The following STAMBP variants were observed in gnomAD, a reference collection of about 807,000 sequenced individuals.
The protein encoded by STAMBP is STAM-binding protein.
Under a neutral mutation model 50.7 loss-of-function variants are expected in STAMBP, and 31 were observed. That is an observed-to-expected ratio of 0.61 (90% CI 0.46 to 0.83). The LOEUF (loss-of-function observed/expected upper bound fraction) is 0.83, where lower values mean the gene tolerates loss of function less well. Among genes scored for constraint, STAMBP ranks in the 40% least tolerant of loss-of-function variants. STAMBP has a pLI of 0.00. For missense variants in STAMBP, 472 were observed against 518.9 expected (o/e 0.91, Z 0.88); for synonymous variants, 211 against 192.4 (o/e 1.10, Z -0.80).
At chr2:73,842,337 T>C (rs1244356480) in intron 2 of STAMBP, among the ~76,000 whole-genome samples, 3 of 152,230 alleles carry the variant, frequency 2.0e-5, no homozygotes, top group Admixed American at 2.0e-4. Context: ...CCCAAAGGTC[T>C]GCACATTAGG....
At chr2:73,847,850 A>G in intron 5 of STAMBP, 97 bp downstream of exon 5, 1 of 1,460,788 alleles carries the variant, frequency 6.8e-7, no homozygotes, top group African/African-American at 1.4e-5. Context: ...GATCCCACTC[A>G]TTAAGCTTTG....
At chr2:73,854,920 T>C (rs1181515644) in intron 7 of STAMBP, among the ~76,000 whole-genome samples, 1 of 151,772 alleles carries the variant, frequency 6.6e-6, no homozygotes, top group African/African-American at 2.4e-5. Context: ...GACTGGGAGG[T>C]CAAAGCTGCA....
rs559024520 is a variant in STAMBP, at chr2:73,844,304, A to G, written c.204-509A>G. On this transcript the variant is annotated intron_variant, in intron 2 of 9. Coordinates refer to ENST00000394070, the MANE Select transcript of STAMBP (RefSeq NM_213622.4). ...ACTAAGTATTTCCATGCATTTTTGTATGATGCAAAGTAGTATTCTTCTTTG... is the reference window on the plus strand; with the variant it reads ...ACTAAGTATTTCCATGCATTTTTGTGTGATGCAAAGTAGTATTCTTCTTTG... Among the ~76,000 whole-genome samples the G allele has an allele frequency of 3.9e-5, 6 of 152,356 alleles. No individual in the cohort carries two copies. In the South Asian group the frequency reaches 1.2e-3, roughly 32 times the overall value.
At chr2:73,849,617 A>T in intron 6 of STAMBP, 130 bp downstream of exon 6, 2 of 1,214,992 alleles carry the variant, frequency 1.6e-6, no homozygotes, top group Non-Finnish European at 2.2e-6. Flanking sequence ...TGGACTGCAT[A>T]ATTTCATGTC....
At chr2:73,838,654 T>C (rs148532250) in intron 2 of STAMBP, among the ~76,000 whole-genome samples, 78 of 152,300 alleles carry the variant, frequency 5.1e-4, no homozygotes, top group African/African-American at 1.8e-3. Flanking sequence ...TAGTGTTATT[T>C]TGAGTGACAT....
rs1456284426 is a variant in STAMBP, at chr2:73,834,218, AAAAAAAAAAAAAAAAAAAATATATATAT to A, written c.203+3161_203+3188del. Among the ~76,000 whole-genome samples, 38 of 17,290 alleles carry A rather than the reference AAAAAAAAAAAAAAAAAAAATATATATAT, an allele frequency of 2.2e-3. 1 individual carries two copies. Among genetic ancestry groups the A allele is most frequent in the African/African-American group, 9.3e-3 (38 of 4,074 alleles). 11.3% of individuals were successfully genotyped at this position (17,290 alleles called of 152,430 possible). On this transcript the variant is annotated intron_variant, in intron 2 of 9. Coordinates refer to ENST00000394070, the MANE Select transcript of STAMBP (RefSeq NM_213622.4). Reference sequence around the variant, plus strand: ...GAGCAAGATCATGTCTTAAAAAAAAAAAAAAAAAAAAAAAAAAAATATATATATATATATATATATATATATATATATA... The same window carrying A: ...GAGCAAGATCATGTCTTAAAAAAAAAATATATATATATATATATATATATA...
rs1469483852 is a variant in STAMBP, at chr2:73,859,289, C to T, written c.1041C>T (p.Val347=). 9 of 1,613,074 alleles carry T rather than the reference C, an allele frequency of 5.6e-6. 1 individual carries two copies. The highest frequency in any genetic ancestry group is 4.4e-5 in the South Asian group (4 of 90,996). The change falls in exon 8 of 10, where the codon GTC becomes GTT. Residue 347 remains valine (V), a synonymous_variant. Coordinates refer to ENST00000394070, the MANE Select transcript of STAMBP (RefSeq NM_213622.4). Reference sequence around the variant, plus strand: ...CACAGACCGCGTTTCTCTCCAGTGTCGACCTACACACTCACTGCTCTTACC... The same window carrying T: ...CACAGACCGCGTTTCTCTCCAGTGTTGACCTACACACTCACTGCTCTTACC... ...HPTQTAFLSS[V]DLHTHCSYQM...
At chr2:73,838,169 A>G (rs1170109097) in intron 2 of STAMBP, among the ~76,000 whole-genome samples, 1 of 152,100 alleles carries the variant, frequency 6.6e-6, no homozygotes, top group Admixed American at 6.6e-5. Context: ...AAAGTGGCAA[A>G]TTTTTTTCTA....
chr2:73,835,171 TG>T (rs1466699263), intron 2 of STAMBP, among the ~76,000 whole-genome samples: 1 of 152,038 alleles, frequency 6.6e-6, no homozygotes, highest in Admixed American at 6.6e-5. Context: ...CTGGCCAACA[TG>T]GTGATACCCC....
rs912309328 is a variant in STAMBP, at chr2:73,867,051, T to A, written c.*4792T>A. 11 of 152,216 alleles carry A rather than the reference T, an allele frequency of 7.2e-5. No individual in the cohort carries two copies. The highest frequency in any genetic ancestry group is 2.7e-4 in the African/African-American group (11 of 41,436). The allele number at this position is 152,216 out of a possible 1,614,324, so 9.4% of individuals were successfully genotyped here. On this transcript the variant is annotated 3_prime_UTR_variant, in exon 10 of 10. Transcript: ENST00000394070. ...CCTGTTTGTTTATTGCTAGCTTATG[T>A]GTCTAAAGTATACTCCTTGAGAACA...
At chr2:73,829,984 T>C (rs985690437) in intron 1 of STAMBP, among the ~76,000 whole-genome samples, 1 of 152,220 alleles carries the variant, frequency 6.6e-6, no homozygotes, top group Non-Finnish European at 1.5e-5. Context: ...TTTGCTGTAA[T>C]GCAATGTGTG....
Position 73,850,634 on chromosome 2 carries a change from T to C in STAMBP, c.1005+121T>C. The C allele has an allele frequency of 8.7e-7, 1 of 1,147,036 alleles. No homozygotes were observed. Among genetic ancestry groups the C allele is most frequent in the Non-Finnish European group, 1.2e-6 (1 of 839,932 alleles). 71.1% of individuals were successfully genotyped at this position (1,147,036 alleles called of 1,614,324 possible). A position where few individuals can be genotyped will look rare whatever the true frequency, so the allele number is the denominator to read the frequency against. ...GATTATTTATTGTTTTTCTCTCTTTTGGATGCAGTCCTTAGCATACTTGAC... is the reference window on the plus strand; with the variant it reads ...GATTATTTATTGTTTTTCTCTCTTTCGGATGCAGTCCTTAGCATACTTGAC... On this transcript the variant is annotated intron_variant, in intron 7 of 9. Transcript: ENST00000394070. The surrounding 1 kb of genome is among the most constrained non-coding windows in gnomAD (Gnocchi z 4.3).
rs34843902 is a variant in STAMBP at position 73,862,936 on chromosome 2, TA to T, written c.*685del. The T allele has an allele frequency of 0.4, 61,566 of 152,188 alleles. 15,180 individuals carry two copies. The highest frequency in any genetic ancestry group is 0.7 in the African/African-American group (29,102 of 41,458). 9.4% of individuals were successfully genotyped at this position (152,188 alleles called of 1,614,324 possible). A position where few individuals can be genotyped will look rare whatever the true frequency, so the allele number is the denominator to read the frequency against. On this transcript the variant is annotated 3_prime_UTR_variant, in exon 10 of 10. Transcript: ENST00000394070. Reference sequence around the variant, plus strand: ...TTGATCAAGCATTGTATAAACAGGTTAAAAAAAAGGTATGGTTGTTTTGGAA... The same window carrying T: ...TTGATCAAGCATTGTATAAACAGGTTAAAAAAAGGTATGGTTGTTTTGGAA...
Position 73,834,237 on chromosome 2 carries a change from ATATATATATATATATATAT to A in STAMBP, c.203+3179_203+3197del, listed in dbSNP as rs1426511569. Among the ~76,000 whole-genome samples the A allele has an allele frequency of 6.2e-4, 7 of 11,214 alleles. 1 individual carries two copies. The highest frequency in any genetic ancestry group is 9.0e-3 in the South Asian group (2 of 222). The allele number at this position is 11,214 out of a possible 152,430, so 7.4% of individuals were successfully genotyped here. On this transcript the variant is annotated intron_variant, in intron 2 of 9. Coordinates refer to ENST00000394070, the MANE Select transcript of STAMBP (RefSeq NM_213622.4). The stretch of plus-strand genomic sequence containing the variant: ...AAAAAAAAAAAAAAAAAAAAAAAAA[ATATATATATATATATATAT>A]ATATATATATATATATATATATATA...
chr2:73,854,753 C>G (rs1273219481), intron 7 of STAMBP, among the ~76,000 whole-genome samples: 1 of 152,070 alleles, frequency 6.6e-6, no homozygotes, highest in East Asian at 1.9e-4. Context: ...TTTGGGAGGC[C>G]AAGGTGGGAG....
At chr2:73,833,805 C>G (rs1674247498) in intron 2 of STAMBP, among the ~76,000 whole-genome samples, 2 of 152,080 alleles carry the variant, frequency 1.3e-5, no homozygotes, top group Admixed American at 1.3e-4. Context: ...TGGCCCCTGT[C>G]CTTATTGGTG....
intron 7 of STAMBP, among the ~76,000 whole-genome samples, chr2:73,853,444 C>T (rs930567204): frequency 2.0e-5 from 3 of 152,176 alleles, no homozygotes; most frequent in Non-Finnish European, 4.4e-5. Context: ...ATACTTTAGG[C>T]CGGGTGCGGT....
Position 73,859,318 on chromosome 2 carries a change from T to A in STAMBP, c.1070T>A (p.Met357Lys). Residue 357 changes from methionine (M) to lysine (K), a missense_variant, in exon 8 of 10, where the codon ATG (methionine) becomes AAG (lysine). By Grantham distance (95) the Met-to-Lys change is moderately conservative. Coordinates refer to ENST00000394070, the MANE Select transcript of STAMBP (RefSeq NM_213622.4). The stretch of plus-strand genomic sequence containing the variant: ...CTACACACTCACTGCTCTTACCAGA[T>A]GATGTTGCCAGAGTCAGTAGCCATT... ...VDLHTHCSYQ[M>K]MLPESVAIVC... 1 of 1,614,162 alleles carries A rather than the reference T, an allele frequency of 6.2e-7. No individual in the cohort carries two copies. Among genetic ancestry groups the A allele is most frequent in the East Asian group, 2.2e-5 (1 of 44,876 alleles).
intron 7 of STAMBP, among the ~76,000 whole-genome samples, chr2:73,853,784 A>T (rs901288358): frequency 6.6e-6 from 1 of 152,204 alleles, no homozygotes; most frequent in African/African-American, 2.4e-5. Context: ...ATGTACATAC[A>T]CTACCTAGGT....
Sources: allele counts gnomAD v4.1 joint callset (sites outside exome capture counted in the v4.1 genomes callset), GRCh38; gene constraint gnomAD v4.1.1; non-coding constraint Gnocchi (gnomAD v3.1); transcripts MANE v1.5; gene names NCBI Gene and HGNC (gene_info 2026-07-23, HGNC 2026-07-21).